Variants in TG observed in about 807,000 individuals in gnomAD.
TG encodes thyroglobulin, also known as thyroid hormones.
Under a neutral mutation model 324.7 loss-of-function variants are expected in TG, and 270 were observed. That is an observed-to-expected ratio of 0.83 (90% confidence interval 0.75 to 0.92). The LOEUF is 0.92. TG is among the 40% of genes least tolerant of loss of function. TG has a pLI of 0.00. For missense variants in TG, 3,591 were observed against 3,456.4 expected (o/e 1.04, Z -0.98); for synonymous variants, 1,401 against 1,327.0 (o/e 1.06, Z -1.21).
At chr8:132,903,545 C>T (rs1011678004) in intron 16 of TG, among the ~76,000 whole-genome samples, 2 of 152,180 alleles carry the variant, frequency 1.3e-5, no homozygotes, top group Non-Finnish European at 2.9e-5. Context: ...TCCTGAGAGT[C>T]TTAAAGTGAC....
chr8:132,893,860 C>T lies in TG; in HGVS notation c.2932C>T (p.Pro978Ser). The change falls in exon 11 of 48, where the codon CCC (proline) becomes TCC (serine). Residue 978 changes from proline to serine, a missense_variant. By Grantham distance (74) the Pro-to-Ser change is moderately conservative. Coordinates refer to ENST00000220616, the MANE Select transcript of TG (RefSeq NM_003235.5). ...EDLGLPPLFP[P>S]REAFAEQFLR... ...CCTCGGCCTTCCTCCGCTCTTCCCG[C>T]CCCGGGAGGCTTTCGCGGAGCAGTT... is the stretch of plus-strand genomic sequence containing the variant. 1.2e-6 allele frequency: 2 copies of T among 1,614,052 alleles called. No individual in the cohort carries two copies. The highest frequency in any genetic ancestry group is 1.7e-6 in the Non-Finnish European group (2 of 1,179,942).
chr8:133,040,042 A>G, intron 41 of TG: 1 of 1,552,558 alleles, frequency 6.4e-7, no homozygotes, highest in Non-Finnish European at 8.7e-7. Context: ...GCAAGGTGAC[A>G]GGTGAGCTGG....
At chr8:132,909,545 C>A (rs571494159) in intron 18 of TG, among the ~76,000 whole-genome samples, 1 of 152,260 alleles carries the variant, frequency 6.6e-6, no homozygotes, top group African/African-American at 2.4e-5. Flanking sequence ...CAGGGTATGA[C>A]CATGAGACAG....
intron 35 of TG, chr8:132,995,287 A>G (rs771113898): frequency 6.9e-4 from 681 of 983,386 alleles, no homozygotes; most frequent in Non-Finnish European, 7.8e-4. Context: ...TGCTTAGCCT[A>G]CTACCCACCA....
intron 27 of TG, among the ~76,000 whole-genome samples, chr8:132,957,884 A>C (rs1454312009): frequency 1.3e-5 from 2 of 152,144 alleles, no homozygotes; most frequent in African/African-American, 4.8e-5. Flanking sequence ...TGGTGCACCC[A>C]TCATCTGAAC....
chr8:133,057,382 T>A (rs544533970), intron 41 of TG, among the ~76,000 whole-genome samples: 3 of 152,278 alleles, frequency 2.0e-5, no homozygotes, highest in South Asian at 2.1e-4. Flanking sequence ...AATGAACACT[T>A]TGGGATGATT....
At chr8:132,911,166 C>T (rs140271740) in intron 18 of TG, among the ~76,000 whole-genome samples, 197 of 152,310 alleles carry the variant, frequency 1.3e-3, no homozygotes, top group South Asian at 7.9e-3. Context: ...TACTTCTGTA[C>T]ACCATGTGAC....
At chr8:132,977,814 C>A (rs1830360651) in intron 34 of TG, among the ~76,000 whole-genome samples, 1 of 152,132 alleles carries the variant, frequency 6.6e-6, no homozygotes, top group South Asian at 2.1e-4. Flanking sequence ...GGACACAGAG[C>A]CAAACCATAT....
At chr8:132,904,989 C>T (rs1818463912) in intron 16 of TG, among the ~76,000 whole-genome samples, 1 of 152,168 alleles carries the variant, frequency 6.6e-6, no homozygotes, top group Admixed American at 6.5e-5. Context: ...GGCATTCACC[C>T]TCTGTGTGCC....
At chr8:132,897,606 G>T in intron 11 of TG, 43 bp from the exon 12 acceptor site, 1 of 1,613,494 alleles carries the variant, frequency 6.2e-7, no homozygotes, top group South Asian at 1.1e-5. Context: ...AGCCCACACA[G>T]AGCAGGTGGT....
At chr8:132,869,854 G>A (rs1208573961) in intron 3 of TG, 28 bp downstream of exon 3, 1 of 1,599,374 alleles carries the variant, frequency 6.3e-7, no homozygotes, top group South Asian at 1.1e-5. Context: ...ACGTCCCTTG[G>A]AGGGACCCTG....
chr8:132,892,057 G>A (rs760212990), intron 10 of TG, among the ~76,000 whole-genome samples: 1 of 152,208 alleles, frequency 6.6e-6, no homozygotes, highest in Non-Finnish European at 1.5e-5. Flanking sequence ...GCACAGATCA[G>A]GAGGCTGAAG....
intron 27 of TG, among the ~76,000 whole-genome samples, chr8:132,951,706 A>G (rs1826122627): frequency 6.6e-6 from 1 of 152,190 alleles, no homozygotes; most frequent in Non-Finnish European, 1.5e-5. Flanking sequence ...TCCAAATTGG[A>G]GGTTGCCCTA....
intron 5 of TG, among the ~76,000 whole-genome samples, chr8:132,876,207 G>A (rs1317030817): frequency 1.3e-5 from 2 of 152,088 alleles, no homozygotes; most frequent in Admixed American, 6.5e-5. Context: ...AAGAGACGAC[G>A]TTGACATGGA....
chr8:133,048,018 A>G (rs1839784265), intron 41 of TG: 1 of 725,664 alleles, frequency 1.4e-6, no homozygotes. Flanking sequence ...CGTACTAAGC[A>G]CCTGAAACCT....
At chr8:133,114,127 G>A (rs893182407) in intron 44 of TG, among the ~76,000 whole-genome samples, 5 of 152,304 alleles carry the variant, frequency 3.3e-5, no homozygotes, top group Admixed American at 2.0e-4. Context: ...AGGCCCACCC[G>A]GCACGTGGGA....
At position 132,867,581 on chromosome 8, in the gene TG, G is replaced by T. The variant is rs535174962; in HGVS notation, c.67+514G>T. ...ACAAATAACACACACCTCATGATGC[G>T]GTTGTGATTTCTGGGTAGGACCCTA... On this transcript the variant is annotated intron_variant, in intron 1 of 47. Coordinates refer to ENST00000220616, the MANE Select transcript of TG (RefSeq NM_003235.5). 5.3e-5 allele frequency among the ~76,000 whole-genome samples: 8 copies of T among 150,236 alleles called. No individual in the cohort carries two copies. In the East Asian group the frequency reaches 1.6e-3, roughly 29 times the overall value.
intron 41 of TG, chr8:133,049,020 C>G (rs993859209): frequency 2.7e-6 from 1 of 366,562 alleles, no homozygotes; most frequent in African/African-American, 2.1e-5. Flanking sequence ...CATTTCTTTG[C>G]CAACTTCCAG....
intron 46 of TG, 69 bp downstream of exon 46, chr8:133,132,015 C>A: frequency 3.7e-6 from 6 of 1,604,176 alleles, no homozygotes; most frequent in Non-Finnish European, 5.1e-6. Flanking sequence ...AAGCAGAACG[C>A]AAAGGCCCAA....
Sources: gnomAD v4.1 joint callset for allele counts (sites outside exome capture counted in the v4.1 genomes callset) on GRCh38, gnomAD v4.1.1 for gene constraint, MANE v1.5 for transcripts, NCBI Gene and HGNC (gene_info 2026-07-23, HGNC 2026-07-21) for gene names.